The following ZNF407 variants were observed in gnomAD, a reference collection of about 807,000 sequenced individuals.
ZNF407 encodes zinc finger protein 407.
A neutral mutation model predicts 131.2 loss-of-function variants in ZNF407; 17 were observed. The observed-to-expected ratio is 0.13, with a 90% confidence interval of 0.09 to 0.19. The LOEUF (loss-of-function observed/expected upper bound fraction) is 0.19, where lower values mean the gene tolerates loss of function less well. Among genes scored for constraint, ZNF407 ranks in the 10% least tolerant of loss-of-function variants. ZNF407 has a pLI of 1.00. For missense variants in ZNF407, 2,681 were observed against 2,830.6 expected, an observed-to-expected ratio of 0.95 and a Z score of 1.20; for synonymous variants, 1,156 against 1,062.0, an observed-to-expected ratio of 1.09 and a Z score of -1.72.
chr18:74,765,251 T>A (rs187761043), intron 3 of ZNF407, among the ~76,000 whole-genome samples: 2 of 152,348 alleles, frequency 1.3e-5, no homozygotes, highest in East Asian at 3.9e-4. Context: ...ATATCTTTGT[T>A]CATTCTGGGT....
chr18:74,641,140 A>T lies in ZNF407; in HGVS notation c.4802+18A>T. On this transcript the variant is annotated intron_variant, in intron 3 of 8. Coordinates refer to ENST00000299687, the MANE Select transcript of ZNF407 (RefSeq NM_017757.3). ...GTCTGTGGGTGAGTAAATTGAAGCC[A>T]TCTCTGCTGCGTGAACCAGGAAGCA... The T allele has an allele frequency of 6.3e-7, 1 of 1,584,092 alleles. No individual in the cohort carries two copies. Among genetic ancestry groups the T allele is most frequent in the Non-Finnish European group, 8.7e-7 (1 of 1,152,918 alleles).
intron 4 of ZNF407, among the ~76,000 whole-genome samples, chr18:74,782,688 A>C (rs1001370596): frequency 6.6e-6 from 1 of 151,492 alleles, no homozygotes; most frequent in African/African-American, 2.4e-5. Context: ...GGCATATGTT[A>C]GCTCACTGCA....
At chr18:74,834,034 C>CT (rs1970522361) in intron 4 of ZNF407, among the ~76,000 whole-genome samples, 1 of 152,186 alleles carries the variant, frequency 6.6e-6, no homozygotes, top group Non-Finnish European at 1.5e-5. Context: ...TGAAAATAGT[C>CT]TAACTTTGCA....
intron 8 of ZNF407, among the ~76,000 whole-genome samples, chr18:74,997,780 C>T (rs1972796379): frequency 6.6e-6 from 1 of 152,144 alleles, no homozygotes; most frequent in Admixed American, 6.5e-5. Flanking sequence ...CTTCTTCCTG[C>T]GTAGTCACTT....
intron 8 of ZNF407, among the ~76,000 whole-genome samples, chr18:74,950,781 A>G (rs542753632): frequency 2.6e-5 from 4 of 152,312 alleles, no homozygotes; most frequent in African/African-American, 9.6e-5. Flanking sequence ...TGCTAATGGG[A>G]ATACTCCCAA....
At chr18:74,758,117 C>T (rs1039313267) in intron 3 of ZNF407, among the ~76,000 whole-genome samples, 17 of 152,108 alleles carry the variant, frequency 1.1e-4, no homozygotes, top group African/African-American at 4.1e-4. Flanking sequence ...ATTTTTAGTC[C>T]ATTTACCTAT....
At chr18:74,761,450 G>A (rs1240698263) in intron 3 of ZNF407, among the ~76,000 whole-genome samples, 1 of 151,812 alleles carries the variant, frequency 6.6e-6, no homozygotes, top group Non-Finnish European at 1.5e-5. Context: ...AAAGCACATT[G>A]TCTGAAAATA....
At chr18:74,658,365 C>T (rs1415605175) in intron 3 of ZNF407, among the ~76,000 whole-genome samples, 15 of 152,276 alleles carry the variant, frequency 9.9e-5, no homozygotes, top group Non-Finnish European at 2.2e-4. Flanking sequence ...GATCTGCCCA[C>T]CTCGGCCTCC....
intron 7 of ZNF407, 49 bp downstream of exon 7, chr18:74,890,087 A>C: frequency 7.0e-7 from 1 of 1,419,348 alleles, no homozygotes; most frequent in Non-Finnish European, 9.2e-7. Flanking sequence ...GCCATGATGG[A>C]TTAAAAGCCC....
chr18:74,754,204 A>AT (rs1056416072), intron 3 of ZNF407, among the ~76,000 whole-genome samples: 5 of 151,764 alleles, frequency 3.3e-5, no homozygotes, highest in Non-Finnish European at 7.4e-5. Context: ...CCCCTTTATC[A>AT]TTTTTTTATT....
At chr18:74,942,198 G>A (rs75937719) in intron 8 of ZNF407, among the ~76,000 whole-genome samples, 5,442 of 152,194 alleles carry the variant, frequency 0.036, 346 homozygotes, top group African/African-American at 0.12. Flanking sequence ...TTTTTTGCAC[G>A]AATCTCCCCT....
At chr18:74,959,557 T>C (rs1296551905) in intron 8 of ZNF407, among the ~76,000 whole-genome samples, 1 of 152,226 alleles carries the variant, frequency 6.6e-6, no homozygotes, top group South Asian at 2.1e-4. Context: ...CTATGTATCT[T>C]GAATTTTTTT....
At chr18:74,771,130 G>A (rs1969351518) in intron 3 of ZNF407, among the ~76,000 whole-genome samples, 1 of 152,026 alleles carries the variant, frequency 6.6e-6, no homozygotes, top group Admixed American at 6.6e-5. Context: ...GATTCTGTAT[G>A]GTAATTAAAA....
intron 8 of ZNF407, among the ~76,000 whole-genome samples, chr18:75,053,115 A>G (rs541663652): frequency 6.6e-6 from 1 of 152,212 alleles, no homozygotes; most frequent in African/African-American, 2.4e-5. Flanking sequence ...TTACTACCCT[A>G]TTTTAAAAAT....
At chr18:75,059,536 G>A (rs1410407067) in intron 8 of ZNF407, among the ~76,000 whole-genome samples, 1 of 152,166 alleles carries the variant, frequency 6.6e-6, no homozygotes, top group African/African-American at 2.4e-5. Context: ...AGAACGGACA[G>A]AAACAAATCA....
chr18:74,629,668 T>G (rs1025106543), intron 1 of ZNF407, among the ~76,000 whole-genome samples: 14 of 152,206 alleles, frequency 9.2e-5, no homozygotes, highest in Admixed American at 6.5e-5. Flanking sequence ...AGGCTCCATT[T>G]GATTTGTCAA....
At chr18:74,602,734 A>G (rs1486706745) in intron 1 of ZNF407, among the ~76,000 whole-genome samples, 1 of 152,186 alleles carries the variant, frequency 6.6e-6, no homozygotes, top group Non-Finnish European at 1.5e-5. Flanking sequence ...CCCTATTTTT[A>G]GTCACTAAGT....
chr18:74,716,754 TAAAG>T (rs1289914291), intron 3 of ZNF407, among the ~76,000 whole-genome samples: 4 of 152,330 alleles, frequency 2.6e-5, no homozygotes, highest in South Asian at 2.1e-4. Context: ...ATTTATGACA[TAAAG>T]AAAGCAATGT....
At chr18:74,871,202 C>A (rs946533739) in intron 4 of ZNF407, among the ~76,000 whole-genome samples, 3 of 152,172 alleles carry the variant, frequency 2.0e-5, no homozygotes, top group African/African-American at 7.2e-5. Flanking sequence ...GCATTCTTCA[C>A]AGAAGTGATT....
Sources: allele counts gnomAD v4.1 joint callset (sites outside exome capture counted in the v4.1 genomes callset), GRCh38; gene constraint gnomAD v4.1.1; transcripts MANE v1.5; gene names NCBI Gene and HGNC (gene_info 2026-07-23, HGNC 2026-07-21).